The following DCHS2 variants were observed in gnomAD, a reference collection of about 807,000 sequenced individuals.
DCHS2 encodes protocadherin-23.
In DCHS2, 142 loss-of-function variants were observed where a neutral mutation model predicts 182.4. The observed-to-expected ratio is 0.78, with a 90% CI of 0.68 to 0.89. The LOEUF (loss-of-function observed/expected upper bound fraction) is 0.89. DCHS2 is among the 40% of genes least tolerant of loss of function. DCHS2 has a pLI of 0.00. For missense variants in DCHS2, 4,319 were observed against 4,198.6 expected (o/e 1.03, Z -0.79); for synonymous variants, 1,740 against 1,663.3 (o/e 1.05, Z -1.12).
At chr4:154,341,576 G>T (rs968730996) in intron 3 of DCHS2, among the ~76,000 whole-genome samples, 1 of 151,652 alleles carries the variant, frequency 6.6e-6, no homozygotes, top group Admixed American at 6.6e-5. Context: ...GTATCGTAAT[G>T]CATACATTCA....
intron 15 of DCHS2, among the ~76,000 whole-genome samples, chr4:154,258,201 T>G (rs1732794563): frequency 6.6e-6 from 1 of 152,076 alleles, no homozygotes; most frequent in Admixed American, 6.5e-5. Flanking sequence ...CAGGCTGCTA[T>G]AAAACAAAAT....
At chr4:154,379,443 C>T (rs1319902383) in intron 1 of DCHS2, among the ~76,000 whole-genome samples, 1 of 152,130 alleles carries the variant, frequency 6.6e-6, no homozygotes, top group Non-Finnish European at 1.5e-5. Flanking sequence ...ATCATTTAGT[C>T]TAGAATATGT....
chr4:154,259,611 G>A lies in DCHS2; in HGVS notation c.6723C>T (p.Cys2241=), dbSNP rs1732877075. Residue 2241 remains cysteine, a synonymous_variant, in exon 15 of 20, where the codon TGC becomes TGT. Coordinates refer to ENST00000357232, the MANE Select transcript of DCHS2 (RefSeq NM_001358235.2). ...ATGCCTGGTAAATGCTTTGTTCAAA[G>A]CATGGTGAATTATCATTCTCATCCT... ...LIQDENDNSP[C]FEQSIYQASV... is the part of the protein sequence containing the mutation. 5.0e-6 allele frequency: 8 copies of A among 1,613,888 alleles called. No homozygotes were observed. The highest frequency in any genetic ancestry group is 6.8e-6 in the Non-Finnish European group (8 of 1,179,996).
At chr4:154,412,448 G>A (rs1452663435) in intron 1 of DCHS2, among the ~76,000 whole-genome samples, 1 of 152,098 alleles carries the variant, frequency 6.6e-6, no homozygotes, top group African/African-American at 2.4e-5. Context: ...AGGAAGAGAA[G>A]GAAATGTTTC....
intron 3 of DCHS2, among the ~76,000 whole-genome samples, chr4:154,356,189 T>C (rs760986697): frequency 2.0e-5 from 3 of 152,002 alleles, no homozygotes; most frequent in African/African-American, 7.2e-5. Flanking sequence ...AATGTGTGCG[T>C]TTGTGTCTCA....
In DCHS2 at chr4:154,298,578, AG is replaced by A; in HGVS notation, c.5735del (p.Pro1912LeufsTer5). 1 of 1,614,176 alleles carries A rather than the reference AG, an allele frequency of 6.2e-7. No homozygotes were observed. Among genetic ancestry groups the A allele is most frequent in the Non-Finnish European group, 8.5e-7 (1 of 1,179,998 alleles). On this transcript the variant is annotated frameshift_variant, in exon 13 of 20. Coordinates refer to ENST00000357232, the MANE Select transcript of DCHS2 (RefSeq NM_001358235.2). LOFTEE classifies it high-confidence loss of function. ...CTTGCAGGTGTATTACAGAGCTCCT[AG>A]GTGGATCTCCCAGGTCAGAGCACAG... ...VILCSDLGDP[P>X]RSSVIHLQVR...
intron 2 of DCHS2, among the ~76,000 whole-genome samples, chr4:154,368,103 C>A (rs771893974): frequency 6.6e-6 from 1 of 152,098 alleles, no homozygotes; most frequent in Non-Finnish European, 1.5e-5. Flanking sequence ...AAGAACAATG[C>A]AAGTTCATCT....
At chr4:154,416,396 G>A (rs553009887) in intron 1 of DCHS2, among the ~76,000 whole-genome samples, 1 of 152,334 alleles carries the variant, frequency 6.6e-6, no homozygotes, top group East Asian at 1.9e-4. Context: ...GGGAGGCTGT[G>A]TTTATCCAAC....
At chr4:154,461,726 T>C (rs1272158126) in intron 1 of DCHS2, among the ~76,000 whole-genome samples, 4 of 152,166 alleles carry the variant, frequency 2.6e-5, no homozygotes, top group African/African-American at 7.2e-5. Context: ...GCCTTTTTTT[T>C]CCTTTGTGCT....
At chr4:154,322,999 C>A in intron 7 of DCHS2, 1 of 500,384 alleles carries the variant, frequency 2.0e-6, no homozygotes. Flanking sequence ...CTTTATTTTT[C>A]TTGTTTACAT....
At chr4:154,327,512 A>T (rs1388082) in intron 7 of DCHS2, among the ~76,000 whole-genome samples, 1 of 152,040 alleles carries the variant, frequency 6.6e-6, no homozygotes, top group Non-Finnish European at 1.5e-5. Flanking sequence ...TGTGTCAAAC[A>T]TGACAAAGCA....
At chr4:154,445,022 G>T (rs1734218514) in intron 1 of DCHS2, among the ~76,000 whole-genome samples, 1 of 152,160 alleles carries the variant, frequency 6.6e-6, no homozygotes, top group African/African-American at 2.4e-5. Context: ...TGGACCAATG[G>T]TTACCTCTTT....
chr4:154,448,025 C>T (rs1350911937), intron 1 of DCHS2, among the ~76,000 whole-genome samples: 5 of 152,128 alleles, frequency 3.3e-5, no homozygotes, highest in African/African-American at 1.2e-4. Flanking sequence ...CTGTTTCAAC[C>T]CTCACAACTC....
rs776367828 is a variant in DCHS2 at position 154,242,703 on chromosome 4, C to T, written c.7011G>A (p.Val2337=). The change falls in exon 17 of 20, where the codon GTG becomes GTA. Residue 2337 remains valine, a synonymous_variant. Transcript: ENST00000357232. ...LSNTTVIKVQ[V]TDINDNAPAF... ...CTGGGGCATTGTCATTTATATCAGT[C>T]ACCTGTACCTTGATTACAGTCGTAT... The T allele has an allele frequency of 6.2e-7, 1 of 1,613,168 alleles. No individual in the cohort carries two copies. The highest frequency in any genetic ancestry group is 8.5e-7 in the Non-Finnish European group (1 of 1,179,438).
chr4:154,410,499 A>G (rs72968061), intron 1 of DCHS2, among the ~76,000 whole-genome samples: 24,025 of 130,006 alleles, frequency 0.18, 3,002 homozygotes, highest in African/African-American at 0.27. Flanking sequence ...AAATATAATG[A>G]AAAAGAGTGA....
chr4:154,356,601 C>T (rs989919347), intron 3 of DCHS2, among the ~76,000 whole-genome samples: 3 of 152,080 alleles, frequency 2.0e-5, no homozygotes, highest in Non-Finnish European at 4.4e-5. Context: ...TTTAATATTC[C>T]CTTTTTACTC....
chr4:154,248,621 T>TAAAC (rs1194607060), intron 16 of DCHS2, among the ~76,000 whole-genome samples: 1 of 151,040 alleles, frequency 6.6e-6, no homozygotes. Flanking sequence ...CTTTTCTGCC[T>TAAAC]AAACAGACTC....
At chr4:154,428,969 G>A in intron 1 of DCHS2, among the ~76,000 whole-genome samples, 1 of 56,028 alleles carries the variant, frequency 1.8e-5, no homozygotes, top group South Asian at 5.2e-4. Flanking sequence ...TCAAAAGAAG[G>A]GGTAAGTTTA....
chr4:154,287,481 T>C (rs1479902144), intron 13 of DCHS2, among the ~76,000 whole-genome samples: 1 of 152,020 alleles, frequency 6.6e-6, no homozygotes, highest in Non-Finnish European at 1.5e-5. Flanking sequence ...TAAGGTATAG[T>C]CTTCTTTAAA....
Sources: allele counts gnomAD v4.1 joint callset (sites outside exome capture counted in the v4.1 genomes callset), GRCh38; gene constraint gnomAD v4.1.1; transcripts MANE v1.5; gene names NCBI Gene and HGNC (gene_info 2026-07-23, HGNC 2026-07-21).